The following ADTRP variants were observed in gnomAD, a reference collection of about 807,000 sequenced individuals.
ADTRP encodes androgen-dependent TFPI-regulating protein.
ADTRP carries 20 observed loss-of-function variants against 27.0 expected under a neutral mutation model. That is an observed-to-expected ratio of 0.74 (90% CI 0.52 to 1.08). The LOEUF is 1.08. Ranked by LOEUF, ADTRP falls within the 50% of genes least tolerant of loss-of-function variation. The probability of loss-of-function intolerance (pLI) is 0.00; values close to 1 mark genes in which losing one functional copy is unlikely to be tolerated. For synonymous variants in ADTRP, 101 were observed against 105.2 expected, an observed-to-expected ratio of 0.96 and a Z score of 0.25; for missense variants, 251 against 275.0, an observed-to-expected ratio of 0.91 and a Z score of 0.62.
intron 3 of ADTRP, among the ~76,000 whole-genome samples, chr6:11,759,940 C>T (rs1763344352): frequency 6.6e-6 from 1 of 152,044 alleles, no homozygotes; most frequent in African/African-American, 2.4e-5. Context: ...GGCTATGAGC[C>T]AAGGAAGGTA....
chr6:11,762,963 C>T (rs1763440469), intron 3 of ADTRP, among the ~76,000 whole-genome samples: 1 of 152,150 alleles, frequency 6.6e-6, no homozygotes, highest in South Asian at 2.1e-4. Context: ...TAGATAAGAC[C>T]TGAGGAGTTA....
chr6:11,777,885 A>G (rs1764010458), intron 1 of ADTRP, among the ~76,000 whole-genome samples: 1 of 151,888 alleles, frequency 6.6e-6, no homozygotes, highest in African/African-American at 2.4e-5. Context: ...ATTCCCCATT[A>G]TTAGCTTTTA....
At chr6:11,773,943 C>A (rs1485042048) in intron 1 of ADTRP, among the ~76,000 whole-genome samples, 1 of 152,154 alleles carries the variant, frequency 6.6e-6, no homozygotes, top group Admixed American at 6.5e-5. Flanking sequence ...CAGTCCTTAC[C>A]CTTTCAGCTA....
chr6:11,773,442 G>A (rs1270022310), intron 1 of ADTRP, among the ~76,000 whole-genome samples: 1 of 152,214 alleles, frequency 6.6e-6, no homozygotes, highest in Non-Finnish European at 1.5e-5. Flanking sequence ...CATGGAATCA[G>A]CTGATCCCTT....
intron 5 of ADTRP, 61 bp from the exon 6 acceptor site, chr6:11,714,573 G>A (rs3734273): frequency 0.55 from 861,134 of 1,572,630 alleles, 242,614 homozygotes; most frequent in Non-Finnish European, 0.59. Flanking sequence ...GGGTATTTTT[G>A]TTGTGGGTAG....
intron 4 of ADTRP, among the ~76,000 whole-genome samples, chr6:11,729,288 G>A (rs1236849991): frequency 2.0e-5 from 3 of 152,118 alleles, no homozygotes; most frequent in Non-Finnish European, 4.4e-5. Context: ...TAGTCAAATA[G>A]TTTACCTAGA....
At chr6:11,759,036 T>G (rs535475227) in intron 3 of ADTRP, among the ~76,000 whole-genome samples, 39 of 152,280 alleles carry the variant, frequency 2.6e-4, no homozygotes, top group African/African-American at 8.4e-4. Flanking sequence ...TTAGGCAGTA[T>G]GGAGGAAGGG....
At chr6:11,777,266 G>A (rs62397266) in intron 1 of ADTRP, among the ~76,000 whole-genome samples, 1 of 139,350 alleles carries the variant, frequency 7.2e-6, no homozygotes, top group Non-Finnish European at 1.6e-5. Flanking sequence ...GTGTGTGTGT[G>A]TATACAAAGA....
At chr6:11,748,651 G>A (rs773650618) in intron 3 of ADTRP, among the ~76,000 whole-genome samples, 15 of 152,204 alleles carry the variant, frequency 9.9e-5, no homozygotes, top group Non-Finnish European at 1.0e-4. Flanking sequence ...GTGGAGGCAC[G>A]TACTTCATGG....
intron 3 of ADTRP, among the ~76,000 whole-genome samples, chr6:11,741,172 A>T (rs1762703346): frequency 1.3e-5 from 2 of 152,210 alleles, no homozygotes; most frequent in Admixed American, 1.3e-4. Context: ...GGGCTATCAC[A>T]GGTTCCCCAG....
At chr6:11,718,796 C>A (rs1324556998) in intron 5 of ADTRP, among the ~76,000 whole-genome samples, 3 of 152,234 alleles carry the variant, frequency 2.0e-5, no homozygotes, top group Non-Finnish European at 1.5e-5. Context: ...GGTGACAGGT[C>A]AGGCCAGGTG....
chr6:11,733,163 A>T (rs1762441561), intron 4 of ADTRP, among the ~76,000 whole-genome samples: 1 of 152,244 alleles, frequency 6.6e-6, no homozygotes, highest in South Asian at 2.1e-4. Flanking sequence ...TGTTATCATC[A>T]GTTGGCTAAC....
At chr6:11,755,104 A>C in intron 3 of ADTRP, 2 of 985,036 alleles carry the variant, frequency 2.0e-6, no homozygotes, top group Non-Finnish European at 2.4e-6. Flanking sequence ...CAAGGATGTG[A>C]GCACTGGTTG....
At chr6:11,723,921 A>T (rs950935636) in intron 4 of ADTRP, among the ~76,000 whole-genome samples, 1 of 152,076 alleles carries the variant, frequency 6.6e-6, no homozygotes, top group Non-Finnish European at 1.5e-5. Flanking sequence ...TTAACTGGGC[A>T]TGGTGGCTCA....
intron 3 of ADTRP, among the ~76,000 whole-genome samples, chr6:11,760,107 G>A (rs1038325904): frequency 5.9e-5 from 9 of 152,142 alleles, no homozygotes; most frequent in African/African-American, 2.2e-4. Flanking sequence ...GTTCAGTTAC[G>A]AAATTTGCAT....
At chr6:11,767,201 G>A (rs1408613153) in intron 2 of ADTRP, among the ~76,000 whole-genome samples, 3 of 152,138 alleles carry the variant, frequency 2.0e-5, no homozygotes, top group Admixed American at 2.0e-4. Flanking sequence ...GCAAAACCAT[G>A]TCTCTACCAA....
chr6:11,741,788 G>A (rs1053483273), intron 3 of ADTRP, among the ~76,000 whole-genome samples: 1 of 150,862 alleles, frequency 6.6e-6, no homozygotes, highest in Non-Finnish European at 1.5e-5. Flanking sequence ...ACCTCTTCCT[G>A]CCCCCTTCCC....
chr6:11,778,170 G>C (rs2113367838), intron 1 of ADTRP, among the ~76,000 whole-genome samples: 1 of 152,350 alleles, frequency 6.6e-6, no homozygotes, highest in East Asian at 1.9e-4. Context: ...CTGTTAGTCT[G>C]TGTGTGCTGT....
intron 3 of ADTRP, among the ~76,000 whole-genome samples, chr6:11,765,829 T>C (rs1763554327): frequency 6.6e-6 from 1 of 152,200 alleles, no homozygotes; most frequent in South Asian, 2.1e-4. Flanking sequence ...ATGTAAATGT[T>C]AATCCCATTT....
Sources: allele counts gnomAD v4.1 joint callset (sites outside exome capture counted in the v4.1 genomes callset), GRCh38; gene constraint gnomAD v4.1.1; transcripts MANE v1.5; gene names NCBI Gene and HGNC (gene_info 2026-07-23, HGNC 2026-07-21).